Variants in CSNK2A2 observed in about 807,000 individuals in gnomAD.
The protein encoded by CSNK2A2 is casein kinase II subunit alpha'.
In CSNK2A2, 8 loss-of-function variants were observed where a neutral mutation model predicts 54.0. The ratio of observed to expected loss-of-function variants is 0.15; its 90% CI spans 0.09 to 0.27. CSNK2A2 has a LOEUF of 0.27. Ranked by LOEUF, CSNK2A2 falls within the 10% of genes least tolerant of loss-of-function variation. CSNK2A2 has a pLI of 1.00. For synonymous variants in CSNK2A2, 141 were observed against 153.9 expected (o/e 0.92, Z 0.62); for missense variants, 242 against 439.4 (o/e 0.55, Z 4.02).
In CSNK2A2 at chr16:58,197,564, C is replaced by T; in HGVS notation, c.104+69G>A. ...CGGGAGACACCACCGGGCCCGAGTGCGGTTCGCAGGGGGTGGCCGGGCGGG... is the reference window on the plus strand; with the variant it reads ...CGGGAGACACCACCGGGCCCGAGTGTGGTTCGCAGGGGGTGGCCGGGCGGG... On this transcript the variant is annotated intron_variant, in intron 1 of 11. Transcript: ENST00000262506. This position sits in a 1 kb window ranked among gnomAD's most constrained non-coding sequence, Gnocchi z 4.0. The T allele has an allele frequency of 3.7e-6, 4 of 1,090,738 alleles. No individual in the cohort carries two copies. Among genetic ancestry groups the T allele is most frequent in the South Asian group, 1.5e-5 (1 of 67,410 alleles). The allele number at this position is 1,090,738 out of a possible 1,614,324, so 67.6% of individuals were successfully genotyped here. A position where few individuals can be genotyped will look rare whatever the true frequency, so the allele number is the denominator to read the frequency against.
intron 4 of CSNK2A2, among the ~76,000 whole-genome samples, chr16:58,175,427 AAG>A (rs1428115422): frequency 5.9e-5 from 9 of 152,210 alleles, no homozygotes; most frequent in Admixed American, 2.6e-4. Context: ...CTTCTATTGA[AAG>A]AGAGACTCAA....
chr16:58,165,503 T>G (rs548967243), intron 10 of CSNK2A2, 57 bp downstream of exon 10: 353 of 1,491,200 alleles, frequency 2.4e-4, no homozygotes, highest in Non-Finnish European at 1.1e-4. Flanking sequence ...AGACAAAGAG[T>G]GGAAGATTTG....
At chr16:58,171,535 G>T (rs986262548) in intron 5 of CSNK2A2, among the ~76,000 whole-genome samples, 16 of 151,986 alleles carry the variant, frequency 1.1e-4, no homozygotes, top group Admixed American at 3.3e-4. Context: ...CTTGTTATTT[G>T]AAGATCAAGA....
At chr16:58,169,052 G>T (rs905063922) in intron 5 of CSNK2A2, among the ~76,000 whole-genome samples, 1 of 151,768 alleles carries the variant, frequency 6.6e-6, no homozygotes, top group East Asian at 2.0e-4. Context: ...TCAGCCTCCC[G>T]AGTAGCTAGG....
At chr16:58,158,690 T>C (rs1034989122) in intron 11 of CSNK2A2, among the ~76,000 whole-genome samples, 2 of 152,240 alleles carry the variant, frequency 1.3e-5, no homozygotes, top group Admixed American at 1.3e-4. Context: ...TTGACCATTC[T>C]GTGCCAGTCA....
rs375805834 is a variant in CSNK2A2 at position 58,168,709 on chromosome 16, G to A, written c.430-16C>T. ...AATCCAGAGCCTATTAGGTAAGAAA[G>A]CACAGATAATAGTAAGCAACCCCTC... On this transcript the variant is annotated splice_polypyrimidine_tract_variant and intron_variant, in intron 5 of 11. Transcript: ENST00000262506. The A allele has an allele frequency of 4.4e-5, 71 of 1,603,600 alleles. No homozygotes were observed. Among genetic ancestry groups the A allele is most frequent in the Non-Finnish European group, 5.7e-5 (67 of 1,170,918 alleles).
intron 5 of CSNK2A2, 110 bp from the exon 6 acceptor site, chr16:58,168,803 G>A: frequency 1.2e-6 from 1 of 802,056 alleles, no homozygotes; most frequent in Non-Finnish European, 2.0e-6. Flanking sequence ...TCCCCCAACG[G>A]GCAGCTTGCT....
At chr16:58,187,874 T>C (rs1469935828) in intron 2 of CSNK2A2, among the ~76,000 whole-genome samples, 1 of 152,248 alleles carries the variant, frequency 6.6e-6, no homozygotes, top group East Asian at 1.9e-4. Context: ...TGCTATACTC[T>C]TGCCACAGTG....
In CSNK2A2 at chr16:58,197,710, C is replaced by A; in HGVS notation, c.27G>T (p.Arg9Ser). The change falls in exon 1 of 12, where the codon AGG becomes AGT. Residue 9 changes from arginine (R) to serine (S), a missense_variant. Transcript: ENST00000262506. The surrounding 1 kb of genome is among the most constrained non-coding windows in gnomAD (Gnocchi z 4.0). MPGPAAGS[R>S]ARVYAEVNSL... Reference sequence around the variant, plus strand: ...TGTTCACCTCGGCGTAGACCCGGGCCCTGCTGCCCGCGGCCGGGCCGGGCA... The same window carrying A: ...TGTTCACCTCGGCGTAGACCCGGGCACTGCTGCCCGCGGCCGGGCCGGGCA... The A allele has an allele frequency of 6.6e-7, 1 of 1,507,382 alleles. No homozygotes were observed. The highest frequency in any genetic ancestry group is 8.9e-7 in the Non-Finnish European group (1 of 1,127,164). The allele number at this position is 1,507,382 out of a possible 1,614,324, so 93.4% of individuals were successfully genotyped here.
At chr16:58,189,944 T>C (rs1026051947) in intron 2 of CSNK2A2, among the ~76,000 whole-genome samples, 51 of 152,250 alleles carry the variant, frequency 3.3e-4, no homozygotes, top group African/African-American at 1.2e-3. Flanking sequence ...GAATCAGAGA[T>C]AAAAAGTTAG....
At chr16:58,168,719 T>C (rs369576559) in intron 5 of CSNK2A2, 26 bp from the exon 6 acceptor site, 63 of 1,576,806 alleles carry the variant, frequency 4.0e-5, no homozygotes, top group East Asian at 9.0e-5. Flanking sequence ...GCACAGATAA[T>C]AGTAAGCAAC....
chr16:58,180,371 G>GTT (rs66464636), intron 4 of CSNK2A2, among the ~76,000 whole-genome samples: 10 of 141,066 alleles, frequency 7.1e-5, no homozygotes, highest in Admixed American at 2.1e-4. Flanking sequence ...ATACTCCAGA[G>GTT]TTTTTTTTTT....
chr16:58,184,275 A>G lies in CSNK2A2; in HGVS notation c.354T>C (p.Asn118=). 6.2e-7 allele frequency: 1 copy of G among 1,603,858 alleles called. No individual in the cohort carries two copies. ...GCATACGCACCTTAAAATCTGTATT[A>G]TTGATATATTCAAATACCAAAGCTG... is the stretch of plus-strand genomic sequence containing the variant. The part of the protein sequence containing the change: ...KTPALVFEYI[N]NTDFKQLYQI... The change falls in exon 4 of 12, where the codon AAT becomes AAC. Residue 118 remains asparagine, a synonymous_variant. Coordinates refer to ENST00000262506, the MANE Select transcript of CSNK2A2 (RefSeq NM_001896.4).
At chr16:58,180,043 C>T (rs1961990493) in intron 4 of CSNK2A2, among the ~76,000 whole-genome samples, 1 of 146,512 alleles carries the variant, frequency 6.8e-6, no homozygotes, top group Non-Finnish European at 1.5e-5. Flanking sequence ...TGTGCCACTG[C>T]ACTCCAGCCT....
chr16:58,168,024 C>T lies in CSNK2A2; in HGVS notation c.514-229G>A, dbSNP rs572594372. Among the ~76,000 whole-genome samples, 90 of 152,298 alleles carry T rather than the reference C, an allele frequency of 5.9e-4. 1 individual carries two copies. Among genetic ancestry groups the T allele is most frequent in the African/African-American group, 2.1e-3 (89 of 41,568 alleles). On this transcript the variant is annotated intron_variant, in intron 6 of 11. Coordinates refer to ENST00000262506, the MANE Select transcript of CSNK2A2 (RefSeq NM_001896.4). ...TTAAATTATCCTGGTTCATCCCTCT[C>T]TCTAGATCAACAGAGCTCAACCTTT...
intron 11 of CSNK2A2, chr16:58,161,424 C>T (rs1372613978): frequency 1.3e-5 from 2 of 152,040 alleles, no homozygotes; most frequent in Non-Finnish European, 2.9e-5. Context: ...ATGAAGCAAA[C>T]AAATGAAAAG....
rs534552306 is a variant in CSNK2A2, at chr16:58,197,389, C to T, written c.104+244G>A. ...GCGTCGATCCCTGGACCCCACACTT[C>T]TCCCCGAGTAAAAAAGCATTCCTTG... On this transcript the variant is annotated intron_variant, in intron 1 of 11. Coordinates refer to ENST00000262506, the MANE Select transcript of CSNK2A2 (RefSeq NM_001896.4). The surrounding 1 kb of genome is among the most constrained non-coding windows in gnomAD (Gnocchi z 4.0). Among the ~76,000 whole-genome samples the T allele has an allele frequency of 6.6e-6, 1 of 152,326 alleles. No individual in the cohort carries two copies. Among genetic ancestry groups the T allele is most frequent in the Non-Finnish European group, 1.5e-5 (1 of 68,028 alleles).
chr16:58,189,735 C>A (rs1962281566), intron 2 of CSNK2A2, among the ~76,000 whole-genome samples: 1 of 152,182 alleles, frequency 6.6e-6, no homozygotes, highest in Non-Finnish European at 1.5e-5. Flanking sequence ...CAGCTAGAGT[C>A]CTCACATGCA....
chr16:58,165,521 G>A (rs781550155), intron 10 of CSNK2A2, 39 bp downstream of exon 10: 27 of 1,547,926 alleles, frequency 1.7e-5, no homozygotes, highest in Non-Finnish European at 2.4e-5. Flanking sequence ...TTGTTCTCTT[G>A]ACTGAATTAC....
Sources: gnomAD v4.1 joint callset for allele counts (sites outside exome capture counted in the v4.1 genomes callset) on GRCh38, gnomAD v4.1.1 for gene constraint, Gnocchi (gnomAD v3.1) non-coding constraint, MANE v1.5 for transcripts, NCBI Gene and HGNC (gene_info 2026-07-23, HGNC 2026-07-21) for gene names.